EIF3A: variants seen among roughly 807,000 people sequenced by gnomAD.
EIF3A encodes the protein eukaryotic translation initiation factor 3 subunit A, also known as EIF3, p180 subunit.
A neutral mutation model predicts 186.6 loss-of-function variants in EIF3A; 21 were observed. The observed-to-expected ratio is 0.11, with a 90% CI of 0.08 to 0.16. The LOEUF (loss-of-function observed/expected upper bound fraction) is 0.16, where lower values mean the gene tolerates loss of function less well. Ranked by LOEUF, EIF3A falls within the 10% of genes least tolerant of loss-of-function variation. The pLI, the probability that EIF3A is intolerant of heterozygous loss-of-function variation, is 1.00. For missense variants in EIF3A, 1,306 were observed against 1,796.3 expected (o/e 0.73, Z 4.93); for synonymous variants, 563 against 584.3 (o/e 0.96, Z 0.52).
chr10:119,051,409 G>C, intron 14 of EIF3A, 88 bp from the exon 15 acceptor site: 2 of 1,325,900 alleles, frequency 1.5e-6, no homozygotes, highest in Non-Finnish European at 2.0e-6. Flanking sequence ...TGAAAAATTA[G>C]AAGCTGCTCC....
chr10:119,066,841 C>T (rs1488654779), intron 6 of EIF3A, among the ~76,000 whole-genome samples: 1 of 152,210 alleles, frequency 6.6e-6, no homozygotes, highest in African/African-American at 2.4e-5. Flanking sequence ...AAGAGCTAGA[C>T]AGCCTAATGC....
intron 4 of EIF3A, 94 bp from the exon 5 acceptor site, chr10:119,071,179 T>C (rs1354287285): frequency 1.7e-5 from 15 of 901,248 alleles, no homozygotes; most frequent in Non-Finnish European, 2.4e-5. Context: ...TCAGTTGTTT[T>C]AACAGGATTC....
intron 7 of EIF3A, among the ~76,000 whole-genome samples, chr10:119,062,743 CTTTTTTTTTTTT>C (rs372690463): frequency 1.1e-5 from 1 of 91,032 alleles, no homozygotes; most frequent in Non-Finnish European, 2.0e-5. Flanking sequence ...AAGAGATCAC[CTTTTTTTTTTTT>C]TTTTTTTTTT....
chr10:119,067,886 C>T (rs1844005973), intron 6 of EIF3A, among the ~76,000 whole-genome samples: 1 of 152,012 alleles, frequency 6.6e-6, no homozygotes, highest in African/African-American at 2.4e-5. Flanking sequence ...TCTCAGCTCA[C>T]CACAAGCTAC....
At position 119,072,904 on chromosome 10, in the gene EIF3A, T is replaced by C. The variant is rs1844101906; in HGVS notation, c.527A>G (p.Asp176Gly). The change falls in exon 4 of 22, where the codon GAT (aspartate) becomes GGT (glycine). Residue 176 changes from aspartate to glycine, a missense_variant. Around this residue, in one of 8 missense-constraint regions of EIF3A, gnomAD observed 130 missense variants for 259.3 expected, o/e 0.50. Transcript: ENST00000369144. The part of the protein sequence containing the change: ...NNSRVERLYH[D>G]IAQQAFKFCL... ...TCTCATCTTACCTTGCTGGGCAATA[T>C]CATGGTACAGGCGCTCTACTCTAGA... The C allele has an allele frequency of 1.2e-6, 2 of 1,611,248 alleles. No homozygotes were observed. The highest frequency in any genetic ancestry group is 1.3e-5 in the African/African-American group (1 of 74,794).
chr10:119,073,443 C>T lies in EIF3A; in HGVS notation c.375G>A (p.Glu125=). 6.2e-7 allele frequency: 1 copy of T among 1,603,788 alleles called. No individual in the cohort carries two copies. The highest frequency in any genetic ancestry group is 2.2e-5 in the East Asian group (1 of 44,786). Reference sequence around the variant, plus strand: ...TATTAGAGGTCTAACCCACATACCTCTCAGGAGTTTGAATATTATCTAGAT... The same window carrying T: ...TATTAGAGGTCTAACCCACATACCTTTCAGGAGTTTGAATATTATCTAGAT... ...IEDLDNIQTP[E]SVLLSAVSGE... Residue 125 remains glutamate (E), a splice_region_variant and synonymous_variant, in exon 3 of 22, where the codon GAG becomes GAA. Coordinates refer to ENST00000369144, the MANE Select transcript of EIF3A (RefSeq NM_003750.4).
At chr10:119,073,333 T>G (rs1321793049) in intron 3 of EIF3A, 108 bp downstream of exon 3, 6 of 888,178 alleles carry the variant, frequency 6.8e-6, no homozygotes, top group Non-Finnish European at 5.1e-6. Context: ...CTTCAAAGAT[T>G]TGCATTTTTT....
At chr10:119,075,711 C>CTTTTTTTTTTT (rs58392465) in intron 1 of EIF3A, among the ~76,000 whole-genome samples, 2 of 65,274 alleles carry the variant, frequency 3.1e-5, no homozygotes, top group Non-Finnish European at 5.2e-5. Context: ...TGGAAAAAGA[C>CTTTTTTTTTTT]TTTTTTTTTT....
intron 1 of EIF3A, among the ~76,000 whole-genome samples, chr10:119,076,707 CA>C (rs1258871898): frequency 1.3e-5 from 2 of 151,886 alleles, no homozygotes; most frequent in African/African-American, 4.8e-5. Context: ...TCTGGGAGGC[CA>C]AGGCATCACT....
intron 5 of EIF3A, among the ~76,000 whole-genome samples, chr10:119,070,040 T>C (rs1844047181): frequency 6.6e-6 from 1 of 152,058 alleles, no homozygotes; most frequent in East Asian, 1.9e-4. Flanking sequence ...AATGGGCATG[T>C]TTACTTATCT....
At chr10:119,060,062 T>C (rs751201834) in intron 9 of EIF3A, 3 of 517,364 alleles carry the variant, frequency 5.8e-6, no homozygotes, top group Non-Finnish European at 1.1e-5. Flanking sequence ...TACTGCTAAT[T>C]AGCCTTCAAT....
intron 9 of EIF3A, chr10:119,060,005 T>C (rs749683882): frequency 5.4e-5 from 28 of 516,516 alleles, no homozygotes; most frequent in African/African-American, 2.4e-4. Context: ...ACACTTCTTA[T>C]AGAATTTTTG....
intron 9 of EIF3A, 93 bp from the exon 10 acceptor site, chr10:119,059,811 A>G: frequency 2.4e-6 from 2 of 839,846 alleles, no homozygotes; most frequent in Non-Finnish European, 4.1e-6. Flanking sequence ...AGTAGAAATT[A>G]TGCCAGAGAA....
chr10:119,073,914 G>C lies in EIF3A; in HGVS notation c.73C>G (p.Gln25Glu). 2 of 1,597,630 alleles carry C rather than the reference G, an allele frequency of 1.3e-6. No individual in the cohort carries two copies. The highest frequency in any genetic ancestry group is 1.7e-6 in the Non-Finnish European group (2 of 1,173,580). The change falls in exon 2 of 22, where the codon CAG becomes GAG. Residue 25 changes from glutamine to glutamate, a missense_variant. Gln to Glu is a conservative substitution (Grantham distance 29). Around this residue, in one of 8 missense-constraint regions of EIF3A, gnomAD observed 130 missense variants for 259.3 expected, o/e 0.50. Coordinates refer to ENST00000369144, the MANE Select transcript of EIF3A (RefSeq NM_003750.4). ...ANEFLEVGKK[Q>E]PALDVLYDVM... is the part of the protein sequence containing the mutation. ...TCATAAAGAACATCCAGAGCAGGCT[G>C]CTTTTTGCCAACCTCAAGAAATTCT...
chr10:119,076,198 T>A (rs1386327690), intron 1 of EIF3A, among the ~76,000 whole-genome samples: 1 of 150,890 alleles, frequency 6.6e-6, no homozygotes, highest in African/African-American at 2.4e-5. Flanking sequence ...TGGGCCATGG[T>A]GATGCACGCC....
rs1843818607 is a variant in EIF3A at position 119,058,120 on chromosome 10, G to A, written c.1813C>T (p.Arg605Trp). The A allele has an allele frequency of 1.2e-6, 2 of 1,613,868 alleles. No homozygotes were observed. Among genetic ancestry groups the A allele is most frequent in the African/African-American group, 1.3e-5 (1 of 74,858 alleles). ...EQREAELQKV[R>W]KAEEERLRQE... The stretch of plus-strand genomic sequence containing the variant: ...CGCAGCCTCTCTTCCTCAGCCTTCC[G>A]CACTTTCTGGAGTTCAGCTTCCCTC... The change falls in exon 12 of 22, where the codon CGG becomes TGG. Residue 605 changes from arginine to tryptophan, a missense_variant. Physicochemically the swap from Arg to Trp is moderately radical, Grantham distance 101. Transcript: ENST00000369144.
At position 119,049,948 on chromosome 10, in the gene EIF3A, G is replaced by A. The variant is rs750744065; in HGVS notation, c.2511C>T (p.Arg837=). The A allele has an allele frequency of 8.1e-6, 13 of 1,613,462 alleles. No individual in the cohort carries two copies. The highest frequency in any genetic ancestry group is 3.3e-4 in the Middle Eastern group (2 of 6,084). The change falls in exon 17 of 22, where the codon CGC becomes CGT. Residue 837 remains arginine (R), a synonymous_variant. Coordinates refer to ENST00000369144, the MANE Select transcript of EIF3A (RefSeq NM_003750.4). Reference sequence around the variant, plus strand: ...CCTGATACTCTCGTAGCTCTTCCTCGCGTTTTGCTCGTTCGGCGCGCTCTC... The same window carrying A: ...CCTGATACTCTCGTAGCTCTTCCTCACGTTTTGCTCGTTCGGCGCGCTCTC... ...EERERAERAK[R]EEELREYQER...
chr10:119,035,245 C>A lies in EIF3A; in HGVS notation c.*794G>T, dbSNP rs930043729. On this transcript the variant is annotated 3_prime_UTR_variant, in exon 22 of 22. Transcript: ENST00000369144. ...TTAGGAAAGAGAATTTAAACGATTC[C>A]TCCAAACCATACATTTATAAATATT... 7 of 152,458 alleles carry A rather than the reference C, an allele frequency of 4.6e-5. No individual in the cohort carries two copies. The highest frequency in any genetic ancestry group is 8.8e-5 in the Non-Finnish European group (6 of 68,014). 9.4% of individuals were successfully genotyped at this position (152,458 alleles called of 1,614,324 possible). A position where few individuals can be genotyped will look rare whatever the true frequency, so the allele number is the denominator to read the frequency against.
Position 119,071,083 on chromosome 10 carries a change from A to G in EIF3A, c.544T>C (p.Phe182Leu). The change falls in exon 5 of 22, where the codon TTC (phenylalanine) becomes CTC (leucine). Residue 182 changes from phenylalanine (F) to leucine (L), a missense_variant and splice_region_variant. Phe to Leu is a conservative substitution (Grantham distance 22). Transcript: ENST00000369144. ...CGCGTGTATTGGAGGCAGAATTTGA[A>G]AGCTATAAGCATAATTGTAAAATAT... ...RLYHDIAQQA[F>L]KFCLQYTRKA... The G allele has an allele frequency of 6.2e-7, 1 of 1,610,180 alleles. No homozygotes were observed. Among genetic ancestry groups the G allele is most frequent in the Non-Finnish European group, 8.5e-7 (1 of 1,176,390 alleles).
Sources: gnomAD v4.1 joint callset for allele counts (sites outside exome capture counted in the v4.1 genomes callset) on GRCh38, gnomAD v4.1.1 for gene constraint, gnomAD v4.1.1 regional missense constraint, MANE v1.5 for transcripts, NCBI Gene and HGNC (gene_info 2026-07-23, HGNC 2026-07-21) for gene names.